Variants in MAGI1 observed in about 807,000 individuals in gnomAD.
MAGI1 encodes the protein membrane associated guanylate kinase, WW and PDZ domain containing 1, also known as membrane-associated guanylate kinase, WW and PDZ domain-containing protein 1.
MAGI1 carries 58 observed loss-of-function variants against 139.9 expected under a neutral mutation model. That is an observed-to-expected ratio of 0.41 (90% CI 0.34 to 0.52). The LOEUF is 0.52. MAGI1 is among the 20% of genes least tolerant of loss of function. The pLI is 0.12. For missense variants in MAGI1, 1,874 were observed against 1,901.6 expected (o/e 0.99, Z 0.27); for synonymous variants, 812 against 737.9 (o/e 1.10, Z -1.63).
rs1165891485 is a variant in MAGI1, at chr3:65,454,549, TAATAATAAA to T, written c.960-1218_960-1210del. ...AGTATAATAATAATAATAATAATAA[TAATAATAAA>T]AAAATACTTGTTTTACAAAAAAAAA... On this transcript the variant is annotated intron_variant, in intron 5 of 22. Coordinates refer to ENST00000402939, the MANE Select transcript of MAGI1 (RefSeq NM_001033057.2). Among the ~76,000 whole-genome samples the T allele has an allele frequency of 3.2e-4, 46 of 144,850 alleles. 1 individual carries two copies. The highest frequency in any genetic ancestry group is 1.1e-3 in the South Asian group (5 of 4,668).
intron 4 of MAGI1, among the ~76,000 whole-genome samples, chr3:65,471,809 A>G (rs1453094741): frequency 6.6e-6 from 1 of 152,204 alleles, no homozygotes; most frequent in Admixed American, 6.5e-5. Context: ...TGGAAGATTT[A>G]CTGGAACCAT....
intron 1 of MAGI1, among the ~76,000 whole-genome samples, chr3:65,683,852 T>C (rs547354003): frequency 1.3e-5 from 2 of 151,926 alleles, no homozygotes; most frequent in African/African-American, 4.8e-5. Flanking sequence ...GCTGGTGAGA[T>C]GTAAAATAGT....
Position 65,584,527 on chromosome 3 carries a change from G to A in MAGI1, c.430+37445C>T, listed in dbSNP as rs990510920. On this transcript the variant is annotated intron_variant, in intron 2 of 22. Transcript: ENST00000402939. ...TCAAAGATTTCACATTCAAGTGGAC[G>A]AGAAACCTAGGAACAAGACACAGGT... Among the ~76,000 whole-genome samples the A allele has an allele frequency of 9.2e-5, 14 of 152,122 alleles. 1 individual carries two copies. The South Asian group carries it at 2.7e-3, about 29-fold the overall frequency.
chr3:65,742,789 C>A (rs1332684504), intron 1 of MAGI1, among the ~76,000 whole-genome samples: 3 of 152,218 alleles, frequency 2.0e-5, no homozygotes, highest in Admixed American at 6.5e-5. Context: ...TCTTTCCCTG[C>A]ATCTGTGAAA....
chr3:65,509,737 G>T (rs1168591721), intron 2 of MAGI1, among the ~76,000 whole-genome samples: 3 of 152,050 alleles, frequency 2.0e-5, no homozygotes, highest in African/African-American at 7.2e-5. Context: ...AGGGGCGCCC[G>T]CCATTGCCCA....
chr3:65,530,759 A>ATATATATATACACATATATATACACG lies in MAGI1; in HGVS notation c.431-37129_431-37128insCGTGTATATATATGTGTATATATATA, dbSNP rs1559642815. On this transcript the variant is annotated intron_variant, in intron 2 of 22. Coordinates refer to ENST00000402939, the MANE Select transcript of MAGI1 (RefSeq NM_001033057.2). ...TATATATGCACATATATATACACGT[A>ATATATATATACACATATATATACACG]TATATATATATATACACACATATAT... 6.4e-3 allele frequency among the ~76,000 whole-genome samples: 70 copies of ATATATATATACACATATATATACACG among 10,932 alleles called. 12 individuals are homozygous for ATATATATATACACATATATATACACG. In the East Asian group the frequency reaches 0.12, roughly 19 times the overall value. The allele number at this position is 10,932 out of a possible 152,430, so 7.2% of individuals were successfully genotyped here.
intron 3 of MAGI1, 63 bp from the exon 4 acceptor site, chr3:65,478,861 C>G: frequency 1.6e-6 from 2 of 1,229,160 alleles, no homozygotes; most frequent in East Asian, 2.3e-5. Flanking sequence ...TTTTTTAAGA[C>G]TTCACATCCA....
intron 1 of MAGI1, among the ~76,000 whole-genome samples, chr3:65,877,870 G>A (rs1402663244): frequency 6.6e-6 from 1 of 152,142 alleles, no homozygotes; most frequent in Non-Finnish European, 1.5e-5. Context: ...ACTTTGGGAA[G>A]TCAAGGTAGG....
intron 1 of MAGI1, among the ~76,000 whole-genome samples, chr3:65,638,467 A>G (rs961598321): frequency 2.0e-5 from 3 of 151,724 alleles, no homozygotes; most frequent in Non-Finnish European, 2.9e-5. Context: ...GATTGCTTTC[A>G]CACGCCCGCT....
chr3:65,397,355 G>T (rs1944470808), intron 13 of MAGI1, among the ~76,000 whole-genome samples: 1 of 152,090 alleles, frequency 6.6e-6, no homozygotes, highest in African/African-American at 2.4e-5. Context: ...ATCTCTTGCA[G>T]GGGAAAGGGA....
intron 2 of MAGI1, among the ~76,000 whole-genome samples, chr3:65,503,714 C>T (rs975321025): frequency 2.7e-4 from 41 of 152,326 alleles, no homozygotes; most frequent in African/African-American, 9.4e-4. Context: ...TAAATAAGGA[C>T]TTGGCATTTA....
intron 5 of MAGI1, among the ~76,000 whole-genome samples, chr3:65,455,843 A>G (rs190249444): frequency 6.6e-6 from 1 of 152,344 alleles, no homozygotes; most frequent in Admixed American, 6.5e-5. Flanking sequence ...ATTCTCATCA[A>G]GATTGTTGTA....
At chr3:65,927,528 A>G (rs1278187088) in intron 1 of MAGI1, among the ~76,000 whole-genome samples, 1 of 152,266 alleles carries the variant, frequency 6.6e-6, no homozygotes. Context: ...TTCAAGCAGC[A>G]TTAACAACTA....
chr3:65,694,860 T>C (rs2089008256), intron 1 of MAGI1, among the ~76,000 whole-genome samples: 1 of 152,246 alleles, frequency 6.6e-6, no homozygotes, highest in Non-Finnish European at 1.5e-5. Context: ...GCTGGCTGTC[T>C]CTTTGAACAG....
rs1049833502 is a variant in MAGI1 at position 66,028,844 on chromosome 3, T to G, written c.313+9152A>C. On this transcript the variant is annotated intron_variant, in intron 1 of 22. Transcript: ENST00000402939. ...TCTGAATCAAGCAGAAAAAAGAGTG[T>G]TTTTTTTCTAGACTTGAAAAGCTCT... 4.6e-5 allele frequency among the ~76,000 whole-genome samples: 7 copies of G among 151,930 alleles called. No homozygotes were observed. The East Asian group carries it at 9.7e-4, about 21-fold the overall frequency.
chr3:65,569,133 C>A (rs1192170045), intron 2 of MAGI1, among the ~76,000 whole-genome samples: 2 of 152,256 alleles, frequency 1.3e-5, no homozygotes, highest in East Asian at 3.9e-4. Context: ...CATGCTACAA[C>A]CTGGATGAAC....
chr3:66,037,427 T>G lies in MAGI1; in HGVS notation c.313+569A>C, dbSNP rs897793518. ...GGCTGAGCCACACGGTGGAGACACA[T>G]GCGTCATCCGGCTGAGGGGTGAATG... On this transcript the variant is annotated intron_variant, in intron 1 of 22. Coordinates refer to ENST00000402939, the MANE Select transcript of MAGI1 (RefSeq NM_001033057.2). Among the ~76,000 whole-genome samples the G allele has an allele frequency of 2.0e-4, 31 of 152,040 alleles. 1 individual carries two copies. Among genetic ancestry groups the G allele is most frequent in the Admixed American group, 2.0e-3 (31 of 15,268 alleles).
intron 1 of MAGI1, among the ~76,000 whole-genome samples, chr3:65,705,734 A>T: frequency 6.6e-6 from 1 of 152,220 alleles, no homozygotes; most frequent in East Asian, 1.9e-4. Context: ...TGGAAAAGGA[A>T]TTTCAAAATC....
At chr3:65,412,866 TG>T in intron 12 of MAGI1, among the ~76,000 whole-genome samples, 1 of 152,310 alleles carries the variant, frequency 6.6e-6, no homozygotes, top group East Asian at 1.9e-4. Flanking sequence ...AGATGAGCTT[TG>T]GTCTCAGAAC....
Sources: gnomAD v4.1 joint callset for allele counts (sites outside exome capture counted in the v4.1 genomes callset) on GRCh38, gnomAD v4.1.1 for gene constraint, MANE v1.5 for transcripts, NCBI Gene and HGNC (gene_info 2026-07-23, HGNC 2026-07-21) for gene names.